Variants in MAST2 observed in about 807,000 individuals in gnomAD.
MAST2 encodes microtubule-associated serine/threonine-protein kinase 2.
A neutral mutation model predicts 147.4 loss-of-function variants in MAST2; 70 were observed. The observed-to-expected ratio is 0.47, with a 90% CI of 0.39 to 0.58. The LOEUF is 0.58. MAST2 is among the 20% of genes least tolerant of loss of function. The pLI is 0.00. For synonymous variants in MAST2, 869 were observed against 896.8 expected (o/e 0.97, Z 0.55); for missense variants, 2,080 against 2,302.3 (o/e 0.90, Z 1.98).
rs763148527 is a variant in MAST2, at chr1:46,027,738, A to G, written c.1927A>G (p.Ile643Val). The G allele has an allele frequency of 1.9e-6, 3 of 1,608,736 alleles. No homozygotes were observed. The South Asian group carries it at 3.3e-5, about 18-fold the overall frequency. ...ATTTCTTCGTTCTTCCAGCCTCCTA[A>G]TTACATCCATGGGGCACATCAAGCT... ...HRDLKPDNLL[I>V]TSMGHIKLTD... The change falls in exon 17 of 29, where the codon ATT becomes GTT. Residue 643 changes from isoleucine to valine, a missense_variant. Physicochemically the swap from Ile to Val is conservative, Grantham distance 29. Around this residue, in one of 4 missense-constraint regions of MAST2, gnomAD observed 209 missense variants for 309.5 expected, o/e 0.68. Transcript: ENST00000361297.
intron 4 of MAST2, among the ~76,000 whole-genome samples, chr1:45,885,463 T>C (rs1437485101): frequency 6.6e-6 from 1 of 152,222 alleles, no homozygotes; most frequent in Non-Finnish European, 1.5e-5. Flanking sequence ...AACTCAAATA[T>C]GAGTTTCTAG....
intron 4 of MAST2, chr1:45,913,900 A>G (rs1440630107): frequency 2.5e-6 from 3 of 1,214,966 alleles, no homozygotes; most frequent in Non-Finnish European, 3.1e-6. Context: ...TGGGGTCTCT[A>G]TGGAAACTGG....
intron 10 of MAST2, among the ~76,000 whole-genome samples, chr1:46,012,448 G>T (rs114992237): frequency 1.3e-5 from 2 of 152,298 alleles, no homozygotes; most frequent in Admixed American, 6.5e-5. Flanking sequence ...TTCAGTGCAG[G>T]CTCTATCTTA....
rs549937623 is a variant in MAST2, at chr1:45,809,507, G to T, written c.177+5435G>T. ...AAAATACAAAAATTAGTCGGGGTTG[G>T]TGGTGCGCGCCTGTGGGCCCAGCTA... On this transcript the variant is annotated intron_variant, in intron 1 of 28. Coordinates refer to ENST00000361297, the MANE Select transcript of MAST2 (RefSeq NM_015112.3). 2.6e-5 allele frequency among the ~76,000 whole-genome samples: 4 copies of T among 152,178 alleles called. No homozygotes were observed. In the East Asian group the frequency reaches 7.7e-4, roughly 29 times the overall value.
intron 5 of MAST2, among the ~76,000 whole-genome samples, chr1:45,974,072 T>C (rs1470571540): frequency 1.3e-5 from 2 of 152,212 alleles, no homozygotes; most frequent in East Asian, 1.9e-4. Flanking sequence ...GTACATACAC[T>C]GATGGAAGTG....
chr1:46,001,662 TGCATGTG>T (rs746483404), intron 6 of MAST2, among the ~76,000 whole-genome samples: 37 of 152,206 alleles, frequency 2.4e-4, no homozygotes, highest in Admixed American at 6.5e-5. Flanking sequence ...TTGAGTCATG[TGCATGTG>T]GCATGGAACC....
chr1:46,001,043 T>C (rs1427444557), intron 6 of MAST2: 21 of 1,210,134 alleles, frequency 1.7e-5, no homozygotes, highest in Admixed American at 4.6e-5. Flanking sequence ...ACAATATGGT[T>C]TGTGATGTTG....
At chr1:45,870,292 T>C (rs1646330888) in intron 3 of MAST2, among the ~76,000 whole-genome samples, 1 of 152,132 alleles carries the variant, frequency 6.6e-6, no homozygotes, top group African/African-American at 2.4e-5. Flanking sequence ...TTTTTCTCAA[T>C]TTATTTGAGG....
intron 3 of MAST2, among the ~76,000 whole-genome samples, chr1:45,866,831 C>G (rs1214908408): frequency 1.3e-5 from 2 of 152,152 alleles, no homozygotes; most frequent in East Asian, 3.9e-4. Flanking sequence ...CAACCTCTGC[C>G]TCCCAGGTTC....
At chr1:45,915,436 C>A (rs908796903) in intron 4 of MAST2, among the ~76,000 whole-genome samples, 1 of 152,186 alleles carries the variant, frequency 6.6e-6, no homozygotes, top group Non-Finnish European at 1.5e-5. Context: ...GCCGGCCAGG[C>A]GCGGTGGCTT....
chr1:46,033,991 C>T lies in MAST2; in HGVS notation c.3674+53C>T, dbSNP rs950535150. 1.1e-4 allele frequency: 175 copies of T among 1,608,510 alleles called. 2 individuals carry two copies. The highest frequency in any genetic ancestry group is 9.4e-5 in the African/African-American group (7 of 74,848). On this transcript the variant is annotated intron_variant, in intron 27 of 28. Coordinates refer to ENST00000361297, the MANE Select transcript of MAST2 (RefSeq NM_015112.3). ...TCTCTGAGCCACATGAGTGCTGGTACGTGGTGGGTGCCTTGGCCCTGGGGG... is the reference window on the plus strand; with the variant it reads ...TCTCTGAGCCACATGAGTGCTGGTATGTGGTGGGTGCCTTGGCCCTGGGGG...
chr1:45,927,960 CTGTT>C (rs1412803525), intron 4 of MAST2, among the ~76,000 whole-genome samples: 9 of 152,226 alleles, frequency 5.9e-5, no homozygotes, highest in Non-Finnish European at 1.0e-4. Flanking sequence ...GCCGGTCCCT[CTGTT>C]TGGGGTCCCT....
At chr1:45,814,210 A>G (rs1644385290) in intron 1 of MAST2, among the ~76,000 whole-genome samples, 1 of 152,082 alleles carries the variant, frequency 6.6e-6, no homozygotes, top group Non-Finnish European at 1.5e-5. Flanking sequence ...GTGTACCCCT[A>G]CTTATTAAAA....
intron 4 of MAST2, among the ~76,000 whole-genome samples, chr1:45,901,447 TTTG>T (rs750682130): frequency 5.3e-5 from 8 of 152,214 alleles, no homozygotes; most frequent in Non-Finnish European, 1.0e-4. Flanking sequence ...TGCTTCCAGC[TTTG>T]TTATTTTTGC....
chr1:45,850,311 A>G (rs888680855), intron 3 of MAST2, among the ~76,000 whole-genome samples: 6 of 151,864 alleles, frequency 4.0e-5, no homozygotes, highest in South Asian at 4.2e-4. Context: ...TGCTTGTTTA[A>G]TTGTTTAAGT....
At chr1:45,923,186 C>G (rs1383850501) in intron 4 of MAST2, among the ~76,000 whole-genome samples, 1 of 152,138 alleles carries the variant, frequency 6.6e-6, no homozygotes, top group Non-Finnish European at 1.5e-5. Flanking sequence ...TCAGCCTGGC[C>G]CAATTGTGGC....
In MAST2 at chr1:46,023,845, A is replaced by C; in HGVS notation, c.1645A>C (p.Ile549Leu). Reference protein sequence around the residue: ...AMKKINKQNLILRNQIQQAFV... With the variant: ...AMKKINKQNLLLRNQIQQAFV... ...GAAGAAGATCAACAAGCAGAACCTGATCCTACGGAACCAGATCCAGCAGGC... is the reference window on the plus strand; with the variant it reads ...GAAGAAGATCAACAAGCAGAACCTGCTCCTACGGAACCAGATCCAGCAGGC... The change falls in exon 15 of 29, where the codon ATC (isoleucine) becomes CTC (leucine). Residue 549 changes from isoleucine to leucine, a missense_variant. Around this residue, in one of 4 missense-constraint regions of MAST2, gnomAD observed 569 missense variants for 642.5 expected, o/e 0.89. Transcript: ENST00000361297. This position sits in a 1 kb window ranked among gnomAD's most constrained non-coding sequence, Gnocchi z 4.9. 1.2e-6 allele frequency: 2 copies of C among 1,614,122 alleles called. No homozygotes were observed. The highest frequency in any genetic ancestry group is 1.3e-5 in the African/African-American group (1 of 75,022).
intron 4 of MAST2, among the ~76,000 whole-genome samples, chr1:45,941,227 A>G (rs532693315): frequency 6.6e-6 from 1 of 152,258 alleles, no homozygotes; most frequent in African/African-American, 2.4e-5. Flanking sequence ...ACTTATTTAT[A>G]TAAGTTTTAT....
intron 4 of MAST2, among the ~76,000 whole-genome samples, chr1:45,930,391 T>TTTTTTG (rs1553235604): frequency 1.8e-4 from 26 of 147,278 alleles, no homozygotes; most frequent in African/African-American, 4.6e-4. Flanking sequence ...TTTTTTGTTT[T>TTTTTTG]TTTTGTTTTG....
Sources: gnomAD v4.1 joint callset for allele counts (sites outside exome capture counted in the v4.1 genomes callset) on GRCh38, gnomAD v4.1.1 for gene constraint, gnomAD v4.1.1 regional missense constraint, Gnocchi (gnomAD v3.1) non-coding constraint, MANE v1.5 for transcripts, NCBI Gene and HGNC (gene_info 2026-07-23, HGNC 2026-07-21) for gene names.